The following EHBP1L1 variants were observed in gnomAD, a reference collection of about 807,000 sequenced individuals.
The protein encoded by EHBP1L1 is EH domain-binding protein 1-like protein 1.
Under a neutral mutation model 151.1 loss-of-function variants are expected in EHBP1L1, and 122 were observed. The ratio of observed to expected loss-of-function variants is 0.81; its 90% CI spans 0.70 to 0.94. The LOEUF is 0.94. EHBP1L1 is among the 40% of genes least tolerant of loss of function. EHBP1L1 has a pLI of 0.00. For missense variants in EHBP1L1, 1,941 were observed against 1,959.8 expected (o/e 0.99, Z 0.18); for synonymous variants, 878 against 810.1 (o/e 1.08, Z -1.42).
intron 1 of EHBP1L1, among the ~76,000 whole-genome samples, chr11:65,576,807 T>C (rs1485327107): frequency 6.6e-6 from 1 of 151,512 alleles, no homozygotes; most frequent in Non-Finnish European, 1.5e-5. Flanking sequence ...CTGACCTTAC[T>C]TAGTCCAGCT....
chr11:65,589,957 A>C lies in EHBP1L1; in HGVS notation c.4025A>C (p.Glu1342Ala). 6.3e-7 allele frequency: 1 copy of C among 1,577,612 alleles called. No homozygotes were observed. The highest frequency in any genetic ancestry group is 1.1e-5 in the South Asian group (1 of 87,154). Residue 1342 changes from glutamate (E) to alanine (A), a missense_variant, in exon 14 of 19, where the codon GAA becomes GCA. Physicochemically the swap from Glu to Ala is moderately radical, Grantham distance 107. Coordinates refer to ENST00000309295, the MANE Select transcript of EHBP1L1 (RefSeq NM_001099409.3). ...GCAGGTGGGAGTTCCCCCTCGGAGGAACCACCCCCAAGCCCAGGGGAGGAG... is the reference window on the plus strand; with the variant it reads ...GCAGGTGGGAGTTCCCCCTCGGAGGCACCACCCCCAAGCCCAGGGGAGGAG... ...QPPGGSSPSEEPPPSPGEEAG... is the reference protein window; with the variant it reads ...QPPGGSSPSEAPPPSPGEEAG...
chr11:65,585,718 G>A lies in EHBP1L1; in HGVS notation c.3933+127G>A, dbSNP rs541033982. On this transcript the variant is annotated intron_variant, in intron 12 of 18. Transcript: ENST00000309295. The surrounding 1 kb of genome is among the most constrained non-coding windows in gnomAD (Gnocchi z 4.0). ...GGCGCGAGGGTGACGGTTTCAGAGT[G>A]GCGGGGCTCGGCTGGACCCAGGAGG... 3 of 1,421,728 alleles carry A rather than the reference G, an allele frequency of 2.1e-6. No individual in the cohort carries two copies. Among genetic ancestry groups the A allele is most frequent in the South Asian group, 2.6e-5 (2 of 77,952 alleles). 88.1% of individuals were successfully genotyped at this position (1,421,728 alleles called of 1,614,324 possible). A position where few individuals can be genotyped will look rare whatever the true frequency, so the allele number is the denominator to read the frequency against.
At chr11:65,580,607 A>C (rs1590816469) in intron 6 of EHBP1L1, 128 bp downstream of exon 6, 1 of 1,249,938 alleles carries the variant, frequency 8.0e-7, no homozygotes, top group Non-Finnish European at 1.1e-6. Flanking sequence ...GTCCCAACCA[A>C]CCCAGCAGCC....
chr11:65,585,518 G>A lies in EHBP1L1; in HGVS notation c.3860G>A (p.Arg1287His), dbSNP rs752169140. 5.7e-6 allele frequency: 9 copies of A among 1,568,956 alleles called. No homozygotes were observed. The highest frequency in any genetic ancestry group is 1.2e-5 in the South Asian group (1 of 86,592). The change falls in exon 12 of 19, where the codon CGC becomes CAC. Residue 1287 changes from arginine to histidine, a missense_variant. Transcript: ENST00000309295. The surrounding 1 kb of genome is among the most constrained non-coding windows in gnomAD (Gnocchi z 4.0). The part of the protein sequence containing the change: ...VRDADLLKKR[R>H]SRLRNSSSFS... ...GACGCGGACCTGCTCAAGAAGAGGC[G>A]CTCGCGGCTGCGGAACAGCAGCTCG...
At position 65,590,040 on chromosome 11, in the gene EHBP1L1, A is replaced by G. The variant is rs1306128781; in HGVS notation, c.4060-47A>G. 7 of 1,611,590 alleles carry G rather than the reference A, an allele frequency of 4.3e-6. No homozygotes were observed. The African/African-American group carries it at 8.0e-5, about 18-fold the overall frequency. On this transcript the variant is annotated intron_variant, in intron 14 of 18. Transcript: ENST00000309295. ...GCTGATGGGTGAGCACCACCTATTCAGGGCCTGGGCTGAGTCCACCCTGTT... is the reference window on the plus strand; with the variant it reads ...GCTGATGGGTGAGCACCACCTATTCGGGGCCTGGGCTGAGTCCACCCTGTT...
In EHBP1L1 at chr11:65,591,842, C is replaced by T; in HGVS notation, c.4326C>T (p.Ser1442=). 1 of 1,474,572 alleles carries T rather than the reference C, an allele frequency of 6.8e-7. No homozygotes were observed. Among genetic ancestry groups the T allele is most frequent in the Non-Finnish European group, 9.1e-7 (1 of 1,100,398 alleles). 91.3% of individuals were successfully genotyped at this position (1,474,572 alleles called of 1,614,324 possible). A position where few individuals can be genotyped will look rare whatever the true frequency, so the allele number is the denominator to read the frequency against. The change falls in exon 17 of 19, where the codon AGC becomes AGT. Residue 1442 remains serine, a synonymous_variant. Coordinates refer to ENST00000309295, the MANE Select transcript of EHBP1L1 (RefSeq NM_001099409.3). ...QDLERRFELL[S]RELRAMLAIE... ...TGGAGCGAAGGTTCGAGCTGCTGAGCCGCGAGCTGCGGGCCATGCTGGCCA... is the reference window on the plus strand; with the variant it reads ...TGGAGCGAAGGTTCGAGCTGCTGAGTCGCGAGCTGCGGGCCATGCTGGCCA...
In EHBP1L1 at chr11:65,592,371, G is replaced by GCGGACGACC; in HGVS notation, c.*73_*81dup. The GCGGACGACC allele has an allele frequency of 8.5e-7, 1 of 1,180,540 alleles. No individual in the cohort carries two copies. The highest frequency in any genetic ancestry group is 2.6e-5 in the South Asian group (1 of 38,098). The allele number at this position is 1,180,540 out of a possible 1,614,324, so 73.1% of individuals were successfully genotyped here. A position where few individuals can be genotyped will look rare whatever the true frequency, so the allele number is the denominator to read the frequency against. On this transcript the variant is annotated 3_prime_UTR_variant, in exon 19 of 19. Coordinates refer to ENST00000309295, the MANE Select transcript of EHBP1L1 (RefSeq NM_001099409.3). ...TCCGCCGCCGCCCCGGGCCTGCGCT[G>GCGGACGACC]CGGACGACCCGGCCGTCCCGGAGGC... is the stretch of plus-strand genomic sequence containing the variant.
In EHBP1L1 at chr11:65,585,293, C is replaced by T; in HGVS notation, c.3635C>T (p.Ala1212Val). 2 of 1,074,536 alleles carry T rather than the reference C, an allele frequency of 1.9e-6. No homozygotes were observed. Among genetic ancestry groups the T allele is most frequent in the Non-Finnish European group, 2.3e-6 (2 of 887,210 alleles). The allele number at this position is 1,074,536 out of a possible 1,614,324, so 66.6% of individuals were successfully genotyped here. ...GAAPGVASRN[A>V]VAGRASKDGG... ...GCCCCGGGGGTGGCCTCCAGGAACG[C>T]GGTCGCGGGCCGCGCCTCCAAGGAC... Residue 1212 changes from alanine to valine, a missense_variant, in exon 12 of 19, where the codon GCG becomes GTG. Coordinates refer to ENST00000309295, the MANE Select transcript of EHBP1L1 (RefSeq NM_001099409.3). This position sits in a 1 kb window ranked among gnomAD's most constrained non-coding sequence, Gnocchi z 4.0.
rs776558205 is a variant in EHBP1L1 at position 65,581,039 on chromosome 11, C to G, written c.635-19C>G. On this transcript the variant is annotated intron_variant, in intron 6 of 18. Transcript: ENST00000309295. ...CCCTGGGCTGACTCTGCCCTTCTCC[C>G]CTCTCCTACCATTCCCAGATCCCTC... is the stretch of plus-strand genomic sequence containing the variant. 8 of 1,590,900 alleles carry G rather than the reference C, an allele frequency of 5.0e-6. No homozygotes were observed. Among genetic ancestry groups the G allele is most frequent in the South Asian group, 4.6e-5 (4 of 87,446 alleles).
At chr11:65,590,638 C>T (rs893015565) in intron 16 of EHBP1L1, 46 bp downstream of exon 16, 1 of 1,546,428 alleles carries the variant, frequency 6.5e-7, no homozygotes, top group Admixed American at 1.7e-5. Context: ...CTCTTAGCTA[C>T]TTTGGTTAGA....
In EHBP1L1 at chr11:65,590,137, G is replaced by A. The variant is rs1443834593; in HGVS notation, c.4110G>A (p.Leu1370=). The change falls in exon 15 of 19, where the codon CTG becomes CTA. Residue 1370 remains leucine (L), a synonymous_variant. Transcript: ENST00000309295. ...ACGTGTGTGCAGAGCTGCAGGCCCT[G>A]GAACAGGAGCAGAGGCAGATAGATG... ...SQYVCAELQA[L]EQEQRQIDGR... 1.2e-6 allele frequency: 2 copies of A among 1,613,736 alleles called. No individual in the cohort carries two copies. The highest frequency in any genetic ancestry group is 1.3e-5 in the African/African-American group (1 of 74,908).
intron 1 of EHBP1L1, among the ~76,000 whole-genome samples, chr11:65,577,590 C>T (rs955302289): frequency 8.5e-5 from 13 of 152,088 alleles, no homozygotes; most frequent in Admixed American, 2.0e-4. Flanking sequence ...GAGCCCAGGC[C>T]GGGAAGCTGC....
Position 65,581,538 on chromosome 11 carries a change from G to A in EHBP1L1, c.867-1G>A. ...AACTCCCCCTCCTGCTCTCTTCTCA[G>A]GTCTTCAAGGCAGCCAGCCCAGGAC... is the stretch of plus-strand genomic sequence containing the variant. On this transcript the variant is annotated splice_acceptor_variant, in intron 8 of 18. Coordinates refer to ENST00000309295, the MANE Select transcript of EHBP1L1 (RefSeq NM_001099409.3). LOFTEE classifies it high-confidence loss of function. 1.3e-6 allele frequency: 2 copies of A among 1,491,050 alleles called. No homozygotes were observed. Among genetic ancestry groups the A allele is most frequent in the East Asian group, 2.4e-5 (1 of 42,154 alleles). The allele number at this position is 1,491,050 out of a possible 1,614,324, so 92.4% of individuals were successfully genotyped here. A position where few individuals can be genotyped will look rare whatever the true frequency, so the allele number is the denominator to read the frequency against.
In EHBP1L1 at chr11:65,591,791, A is replaced by G; in HGVS notation, c.4284-9A>G. On this transcript the variant is annotated splice_polypyrimidine_tract_variant and intron_variant, in intron 16 of 18. Transcript: ENST00000309295. Reference sequence around the variant, plus strand: ...ACCCCCCCGCCACCCACCCCCCGCCACCTTCCAGCATGGAGGAGCAGGACT... The same window carrying G: ...ACCCCCCCGCCACCCACCCCCCGCCGCCTTCCAGCATGGAGGAGCAGGACT... The G allele has an allele frequency of 2.4e-6, 1 of 411,166 alleles. No individual in the cohort carries two copies. The highest frequency in any genetic ancestry group is 3.4e-6 in the Non-Finnish European group (1 of 295,482). The allele number at this position is 411,166 out of a possible 1,614,324, so 25.5% of individuals were successfully genotyped here.
chr11:65,585,707 G>T lies in EHBP1L1; in HGVS notation c.3933+116G>T. On this transcript the variant is annotated intron_variant, in intron 12 of 18. Transcript: ENST00000309295. This position sits in a 1 kb window ranked among gnomAD's most constrained non-coding sequence, Gnocchi z 4.0. ...AGGACAGAGCTGGCGCGAGGGTGAC[G>T]GTTTCAGAGTGGCGGGGCTCGGCTG... 6.8e-7 allele frequency: 1 copy of T among 1,460,296 alleles called. No individual in the cohort carries two copies. Among genetic ancestry groups the T allele is most frequent in the Non-Finnish European group, 9.1e-7 (1 of 1,097,758 alleles). 90.5% of individuals were successfully genotyped at this position (1,460,296 alleles called of 1,614,324 possible).
intron 7 of EHBP1L1, 32 bp downstream of exon 7, chr11:65,581,158 C>T (rs765245045): frequency 2.2e-5 from 35 of 1,611,990 alleles, no homozygotes; most frequent in Non-Finnish European, 2.7e-5. Flanking sequence ...GGGGTGGAGA[C>T]TGGACCCCAG....
At position 65,584,949 on chromosome 11, in the gene EHBP1L1, CT is replaced by C; in HGVS notation, c.3301-8del. 2 of 1,533,150 alleles carry C rather than the reference CT, an allele frequency of 1.3e-6. No individual in the cohort carries two copies. The highest frequency in any genetic ancestry group is 1.7e-6 in the Non-Finnish European group (2 of 1,145,640). 95.0% of individuals were successfully genotyped at this position (1,533,150 alleles called of 1,614,324 possible). A position where few individuals can be genotyped will look rare whatever the true frequency, so the allele number is the denominator to read the frequency against. ...CGCCGCCGCTGACCCCGAGTGCACC[CT>C]TCCCCTAGGCCTTCGATGGCTTCGC... On this transcript the variant is annotated splice_polypyrimidine_tract_variant and intron_variant, in intron 11 of 18. Coordinates refer to ENST00000309295, the MANE Select transcript of EHBP1L1 (RefSeq NM_001099409.3).
At chr11:65,579,694 G>A (rs1349557152) in intron 3 of EHBP1L1, among the ~76,000 whole-genome samples, 10 of 151,956 alleles carry the variant, frequency 6.6e-5, no homozygotes, top group South Asian at 2.1e-4. Context: ...AGCAACCACC[G>A]CGTGCACCTG....
Position 65,585,714 on chromosome 11 carries a change from G to T in EHBP1L1, c.3933+123G>T. The T allele has an allele frequency of 6.9e-7, 1 of 1,442,744 alleles. No homozygotes were observed. The highest frequency in any genetic ancestry group is 1.4e-5 in the African/African-American group (1 of 69,500). 89.4% of individuals were successfully genotyped at this position (1,442,744 alleles called of 1,614,324 possible). On this transcript the variant is annotated intron_variant, in intron 12 of 18. Transcript: ENST00000309295. This position sits in a 1 kb window ranked among gnomAD's most constrained non-coding sequence, Gnocchi z 4.0. ...AGCTGGCGCGAGGGTGACGGTTTCA[G>T]AGTGGCGGGGCTCGGCTGGACCCAG...
Sources: gnomAD v4.1 joint callset for allele counts (sites outside exome capture counted in the v4.1 genomes callset) on GRCh38, gnomAD v4.1.1 for gene constraint, Gnocchi (gnomAD v3.1) non-coding constraint, MANE v1.5 for transcripts, NCBI Gene and HGNC (gene_info 2026-07-23, HGNC 2026-07-21) for gene names.